MCTP2: variants seen among roughly 807,000 people sequenced by gnomAD.
MCTP2 encodes the protein multiple C2 and transmembrane domain containing 2, also known as multiple C2 and transmembrane domain-containing protein 2.
MCTP2 carries 132 observed loss-of-function variants against 111.6 expected under a neutral mutation model. The observed-to-expected ratio is 1.18, with a 90% CI of 1.03 to 1.37. The LOEUF (loss-of-function observed/expected upper bound fraction) is 1.37, where lower values mean the gene tolerates loss of function less well. MCTP2 is among the 40% of genes most tolerant of loss of function. MCTP2 has a pLI of 0.00. For missense variants in MCTP2, 1,183 were observed against 1,067.9 expected, an observed-to-expected ratio of 1.11 and a Z score of -1.50; for synonymous variants, 395 against 387.7, an observed-to-expected ratio of 1.02 and a Z score of -0.22.
chr15:94,410,158 G>C (rs750419029), intron 17 of MCTP2, among the ~76,000 whole-genome samples: 1 of 152,150 alleles, frequency 6.6e-6, no homozygotes, highest in African/African-American at 2.4e-5. Flanking sequence ...ATAACTATTG[G>C]TGGGTGATGG....
At chr15:94,322,147 T>G (rs2076658089) in intron 4 of MCTP2, among the ~76,000 whole-genome samples, 1 of 152,214 alleles carries the variant, frequency 6.6e-6, no homozygotes, top group African/African-American at 2.4e-5. Flanking sequence ...AATCATGTAT[T>G]TAATTTTAAG....
At chr15:94,361,224 C>T (rs1037069459) in intron 10 of MCTP2, among the ~76,000 whole-genome samples, 5 of 149,122 alleles carry the variant, frequency 3.4e-5, no homozygotes, top group Admixed American at 6.8e-5. Context: ...GCAAATGTAT[C>T]GTAACTCTCC....
chr15:94,470,852 A>ACT (rs2073866033), intron 21 of MCTP2, among the ~76,000 whole-genome samples: 1 of 152,138 alleles, frequency 6.6e-6, no homozygotes, highest in African/African-American at 2.4e-5. Flanking sequence ...TGCTTCTGAC[A>ACT]CTTCATCCCT....
chr15:94,376,264 A>C (rs188073074), intron 12 of MCTP2, among the ~76,000 whole-genome samples: 3 of 152,204 alleles, frequency 2.0e-5, no homozygotes, highest in Non-Finnish European at 4.4e-5. Context: ...GGGTAAGTGC[A>C]TGAGCCTTTT....
chr15:94,469,013 T>C (rs1462546324), intron 20 of MCTP2, among the ~76,000 whole-genome samples: 3 of 152,240 alleles, frequency 2.0e-5, no homozygotes, highest in African/African-American at 7.2e-5. Context: ...AGACAATCTC[T>C]GTCAGTCTTA....
intron 7 of MCTP2, chr15:94,343,207 A>G (rs1365897388): frequency 2.0e-5 from 3 of 152,066 alleles, no homozygotes; most frequent in Non-Finnish European, 4.4e-5. Context: ...CTAACAGTGC[A>G]TATTGGGAGC....
At chr15:94,252,437 G>A (rs1185859702) in intron 1 of MCTP2, among the ~76,000 whole-genome samples, 1 of 152,126 alleles carries the variant, frequency 6.6e-6, no homozygotes, top group Non-Finnish European at 1.5e-5. Flanking sequence ...AATTGTCATT[G>A]TAAGAAAATT....
chr15:94,396,962 G>C (rs2081312413), intron 14 of MCTP2, among the ~76,000 whole-genome samples: 1 of 152,160 alleles, frequency 6.6e-6, no homozygotes, highest in Non-Finnish European at 1.5e-5. Context: ...ACATTTGTCT[G>C]TCAAGACTAT....
At chr15:94,309,206 C>A (rs16948901) in intron 2 of MCTP2, among the ~76,000 whole-genome samples, 39,721 of 152,040 alleles carry the variant, frequency 0.26, 7,547 homozygotes, top group African/African-American at 0.52. Context: ...TTGCTGCTTC[C>A]TGGTTAGTGG....
intron 14 of MCTP2, among the ~76,000 whole-genome samples, chr15:94,394,548 G>A (rs998095137): frequency 1.3e-5 from 2 of 151,968 alleles, no homozygotes; most frequent in African/African-American, 2.4e-5. Flanking sequence ...GGTGGATCAC[G>A]AGGTCAGGAG....
chr15:94,443,032 G>T, intron 19 of MCTP2, 72 bp downstream of exon 19: 3 of 1,148,198 alleles, frequency 2.6e-6, no homozygotes, highest in South Asian at 1.4e-5. Flanking sequence ...CCTTCAGGTT[G>T]AGTCTCTCTC....
At chr15:94,239,396 A>G (rs1473899106) in intron 1 of MCTP2, among the ~76,000 whole-genome samples, 3 of 152,196 alleles carry the variant, frequency 2.0e-5, no homozygotes, top group Admixed American at 1.3e-4. Flanking sequence ...TATTATTTTC[A>G]CTGGGTCAAT....
At chr15:94,453,534 G>A (rs369931379) in intron 19 of MCTP2, among the ~76,000 whole-genome samples, 3 of 152,164 alleles carry the variant, frequency 2.0e-5, no homozygotes, top group East Asian at 3.8e-4. Context: ...AAATGATAGG[G>A]TAGGTGTATG....
At position 94,478,359 on chromosome 15, in the gene MCTP2, G is replaced by A. The variant is rs78921268; in HGVS notation, c.2569-607G>A. 6.1e-3 allele frequency among the ~76,000 whole-genome samples: 930 copies of A among 152,330 alleles called. 9 individuals carry two copies. The highest frequency in any genetic ancestry group is 0.021 in the African/African-American group (891 of 41,576). On this transcript the variant is annotated intron_variant, in intron 22 of 22. Coordinates refer to ENST00000357742, the MANE Select transcript of MCTP2 (RefSeq NM_001385001.1). ...GTACAGTATGCTAGTAAGATCCTCCGTGTATCGCCAAGGGCGCTTTCTAAT... is the reference window on the plus strand; with the variant it reads ...GTACAGTATGCTAGTAAGATCCTCCATGTATCGCCAAGGGCGCTTTCTAAT...
chr15:94,408,448 T>C (rs892138274), intron 17 of MCTP2, among the ~76,000 whole-genome samples: 8 of 152,228 alleles, frequency 5.3e-5, no homozygotes, highest in African/African-American at 1.9e-4. Flanking sequence ...ATAGTTTCCC[T>C]AGTCTTCCTT....
intron 10 of MCTP2, among the ~76,000 whole-genome samples, chr15:94,364,432 A>T (rs1427931691): frequency 6.6e-6 from 1 of 152,224 alleles, no homozygotes; most frequent in African/African-American, 2.4e-5. Flanking sequence ...CTAGAAAGAC[A>T]TAAGAGCCCA....
At chr15:94,292,336 A>G (rs1567339940) in intron 1 of MCTP2, among the ~76,000 whole-genome samples, 1 of 152,218 alleles carries the variant, frequency 6.6e-6, no homozygotes, top group Non-Finnish European at 1.5e-5. Flanking sequence ...GGCATAGCAT[A>G]TGGAGAGGAA....
intron 19 of MCTP2, among the ~76,000 whole-genome samples, chr15:94,453,568 C>T (rs988327543): frequency 6.6e-6 from 1 of 152,172 alleles, no homozygotes; most frequent in African/African-American, 2.4e-5. Flanking sequence ...TAATTTAAGC[C>T]TTCCTGCTAA....
At chr15:94,430,637 A>T (rs2083134896) in intron 17 of MCTP2, among the ~76,000 whole-genome samples, 1 of 151,416 alleles carries the variant, frequency 6.6e-6, no homozygotes, top group Non-Finnish European at 1.5e-5. Context: ...AATCGCAGCT[A>T]CTTGGGAGGC....
Sources: allele counts gnomAD v4.1 joint callset (sites outside exome capture counted in the v4.1 genomes callset), GRCh38; gene constraint gnomAD v4.1.1; transcripts MANE v1.5; gene names NCBI Gene and HGNC (gene_info 2026-07-23, HGNC 2026-07-21).